ELAPOR1: variants seen among roughly 807,000 people sequenced by gnomAD.
The protein encoded by ELAPOR1 is endosome-lysosome associated apoptosis and autophagy regulator 1, also known as endosome/lysosome-associated apoptosis and autophagy regulator 1.
ELAPOR1 carries 77 observed loss-of-function variants against 119.7 expected under a neutral mutation model. That is an observed-to-expected ratio of 0.64 (90% CI 0.54 to 0.78). The LOEUF (loss-of-function observed/expected upper bound fraction) is 0.78. Ranked by LOEUF, ELAPOR1 falls within the 30% of genes least tolerant of loss-of-function variation. ELAPOR1 has a pLI of 0.00. For missense variants in ELAPOR1, 1,115 were observed against 1,270.4 expected (o/e 0.88, Z 1.86); for synonymous variants, 481 against 487.2 (o/e 0.99, Z 0.17).
chr1:109,190,760 G>T (rs988240943), intron 11 of ELAPOR1, among the ~76,000 whole-genome samples: 3 of 152,090 alleles, frequency 2.0e-5, no homozygotes, highest in Admixed American at 6.5e-5. Flanking sequence ...ACCCCAGCCC[G>T]CTTGGGCATG....
chr1:109,186,940 G>A, intron 8 of ELAPOR1: 1 of 985,544 alleles, frequency 1.0e-6, no homozygotes, highest in Non-Finnish European at 1.2e-6. Context: ...GCACAGCCAA[G>A]GCCCAGCTCA....
In ELAPOR1 at chr1:109,114,142, G is replaced by A. The variant is rs963738061; in HGVS notation, c.-42G>A. 3.4e-6 allele frequency: 5 copies of A among 1,483,806 alleles called. No homozygotes were observed. The highest frequency in any genetic ancestry group is 3.6e-4 in the Middle Eastern group (2 of 5,556). The allele number at this position is 1,483,806 out of a possible 1,614,324, so 91.9% of individuals were successfully genotyped here. On this transcript the variant is annotated 5_prime_UTR_variant, in exon 1 of 22. Coordinates refer to ENST00000369939, the MANE Select transcript of ELAPOR1 (RefSeq NM_020775.5). ...CCTTCTGCCAGCAGAAGCAGCAGCC[G>A]CAGCACCTGAGCCGCTACTGCCGCT...
At position 109,186,544 on chromosome 1, in the gene ELAPOR1, C is replaced by T. The variant is rs1010475867; in HGVS notation, c.1041+1411C>T. 2.8e-5 allele frequency: 28 copies of T among 985,438 alleles called. 1 individual carries two copies. The highest frequency in any genetic ancestry group is 8.7e-5 in the African/African-American group (5 of 57,342). 61.0% of individuals were successfully genotyped at this position (985,438 alleles called of 1,614,324 possible). Reference sequence around the variant, plus strand: ...TCTCTTACCAACACCACCTCCCCCACGTATTTGGGGCATCATCCCCTTCTC... The same window carrying T: ...TCTCTTACCAACACCACCTCCCCCATGTATTTGGGGCATCATCCCCTTCTC... On this transcript the variant is annotated intron_variant, in intron 8 of 21. Transcript: ENST00000369939.
chr1:109,152,939 T>G, intron 1 of ELAPOR1, among the ~76,000 whole-genome samples: 1 of 117,016 alleles, frequency 8.5e-6, no homozygotes, highest in African/African-American at 3.2e-5. Context: ...GTGGTGGAGT[T>G]AGACCCTGTC....
In ELAPOR1 at chr1:109,173,729, A is replaced by T. The variant is rs754659005; in HGVS notation, c.844A>T (p.Thr282Ser). 6.2e-6 allele frequency: 10 copies of T among 1,614,058 alleles called. No individual in the cohort carries two copies. In the East Asian group the frequency reaches 2.2e-4, roughly 36 times the overall value. ...TSECFPCKPG[T>S]YADKQGSSFC... Reference sequence around the variant, plus strand: ...AGAATGCTTCCCCTGCAAACCTGGCACGTATGCAGACAAGCAGGGCTCCTC... The same window carrying T: ...AGAATGCTTCCCCTGCAAACCTGGCTCGTATGCAGACAAGCAGGGCTCCTC... The change falls in exon 7 of 22, where the codon ACG (threonine) becomes TCG (serine). Residue 282 changes from threonine (T) to serine (S), a missense_variant. Transcript: ENST00000369939.
intron 14 of ELAPOR1, among the ~76,000 whole-genome samples, chr1:109,193,104 G>A (rs574066552): frequency 6.6e-6 from 1 of 151,988 alleles, no homozygotes; most frequent in Non-Finnish European, 1.5e-5. Flanking sequence ...CTCTTTAGTT[G>A]GCAGGTAAGA....
In ELAPOR1 at chr1:109,114,347, C is replaced by T. The variant is rs1283419212; in HGVS notation, c.153+11C>T. On this transcript the variant is annotated intron_variant, in intron 1 of 21. Transcript: ENST00000369939. ...CATGCCTGCAAAGAGGTACTGCCGC[C>T]CCCCTACCCGATCCCGCTTTGGTCA... The T allele has an allele frequency of 6.4e-7, 1 of 1,570,230 alleles. No homozygotes were observed. Among genetic ancestry groups the T allele is most frequent in the Non-Finnish European group, 8.6e-7 (1 of 1,157,502 alleles).
At position 109,192,639 on chromosome 1, in the gene ELAPOR1, A is replaced by C; in HGVS notation, c.1712A>C (p.Lys571Thr). The change falls in exon 14 of 22, where the codon AAG (lysine) becomes ACG (threonine). Residue 571 changes from lysine (K) to threonine (T), a missense_variant. By Grantham distance (78) the Lys-to-Thr change is moderately conservative (BLOSUM62 -1). Transcript: ENST00000369939. ...ASRKYTNDVAKIYSINVTNVM... is the reference protein window; with the variant it reads ...ASRKYTNDVATIYSINVTNVM... ...AGGAAGTACACCAATGACGTTGCCA[A>C]GATCTACTCCATCAATGTCACCAAT... The C allele has an allele frequency of 1.2e-6, 2 of 1,614,130 alleles. No individual in the cohort carries two copies. Among genetic ancestry groups the C allele is most frequent in the Non-Finnish European group, 1.7e-6 (2 of 1,180,030 alleles).
intron 1 of ELAPOR1, among the ~76,000 whole-genome samples, chr1:109,116,574 A>G (rs1462735113): frequency 1.3e-5 from 2 of 152,078 alleles, no homozygotes; most frequent in Non-Finnish European, 2.9e-5. Flanking sequence ...GAATAAACCC[A>G]TTATTATAGT....
At chr1:109,145,551 G>A (rs1650124258) in intron 1 of ELAPOR1, among the ~76,000 whole-genome samples, 1 of 152,122 alleles carries the variant, frequency 6.6e-6, no homozygotes, top group African/African-American at 2.4e-5. Flanking sequence ...AGCTACTCGG[G>A]AGGCTGAGGC....
intron 1 of ELAPOR1, among the ~76,000 whole-genome samples, chr1:109,117,336 C>T (rs17038491): frequency 0.033 from 5,021 of 152,266 alleles, 275 homozygotes; most frequent in African/African-American, 0.11. Flanking sequence ...GTGCTGACTG[C>T]GAGCCAAAGG....
intron 7 of ELAPOR1, among the ~76,000 whole-genome samples, chr1:109,184,336 A>G (rs1652922612): frequency 6.6e-6 from 1 of 152,154 alleles, no homozygotes; most frequent in Admixed American, 6.5e-5. Flanking sequence ...GTGCCACTGC[A>G]CTCCAGCCTG....
At position 109,170,278 on chromosome 1, in the gene ELAPOR1, C is replaced by G. The variant is rs138118117; in HGVS notation, c.468-1588C>G. ...AAAGGGATGAGGTTAGTGGAGGGTA[C>G]GCAGAGGCTTCTGCTGTGTTGAACT... On this transcript the variant is annotated intron_variant, in intron 3 of 21. Transcript: ENST00000369939. 5.3e-5 allele frequency among the ~76,000 whole-genome samples: 8 copies of G among 152,242 alleles called. No individual in the cohort carries two copies. The East Asian group carries it at 1.3e-3, about 26-fold the overall frequency.
intron 21 of ELAPOR1, chr1:109,201,208 A>G (rs918860391): frequency 8.3e-6 from 4 of 479,856 alleles, no homozygotes; most frequent in Non-Finnish European, 1.6e-5. Flanking sequence ...TGTAAGAATC[A>G]TCCCCTACTC....
At chr1:109,187,176 C>G in intron 8 of ELAPOR1, 13 of 985,494 alleles carry the variant, frequency 1.3e-5, no homozygotes, top group Non-Finnish European at 1.6e-5. Flanking sequence ...TTCTCAGGGA[C>G]CAGGATGGCC....
At chr1:109,176,612 T>C (rs546201542) in intron 7 of ELAPOR1, among the ~76,000 whole-genome samples, 42 of 149,658 alleles carry the variant, frequency 2.8e-4, no homozygotes, top group South Asian at 1.2e-3. Flanking sequence ...TTTTCTTTTT[T>C]TTTTTTTTTT....
intron 14 of ELAPOR1, 98 bp downstream of exon 14, chr1:109,192,972 C>T (rs1195168173): frequency 5.2e-6 from 7 of 1,346,538 alleles, no homozygotes; most frequent in Middle Eastern, 5.4e-4. Flanking sequence ...GGCTGATACC[C>T]GAGTGCTCCC....
chr1:109,172,694 A>G, intron 5 of ELAPOR1, 126 bp downstream of exon 5: 1 of 687,948 alleles, frequency 1.5e-6, no homozygotes, highest in Non-Finnish European at 2.6e-6. Context: ...ATGTGATATG[A>G]TGAAGATGCT....
chr1:109,144,699 G>A (rs1440103899), intron 1 of ELAPOR1, among the ~76,000 whole-genome samples: 3 of 152,032 alleles, frequency 2.0e-5, no homozygotes, highest in Non-Finnish European at 4.4e-5. Flanking sequence ...CCCAGATCGT[G>A]CCACTACACT....
Sources: gnomAD v4.1 joint callset for allele counts (sites outside exome capture counted in the v4.1 genomes callset) on GRCh38, gnomAD v4.1.1 for gene constraint, MANE v1.5 for transcripts, NCBI Gene and HGNC (gene_info 2026-07-23, HGNC 2026-07-21) for gene names.